Variants in FHIT observed in about 807,000 individuals in gnomAD.
FHIT encodes fragile histidine triad diadenosine triphosphatase.
A neutral mutation model predicts 17.9 loss-of-function variants in FHIT; 19 were observed. The ratio of observed to expected loss-of-function variants is 1.06; its 90% CI spans 0.74 to 1.56. FHIT has a LOEUF of 1.56. Among genes scored for constraint, FHIT ranks in the 40% most tolerant of loss-of-function variants. The probability of loss-of-function intolerance (pLI) is 0.00; values close to 1 mark genes in which losing one functional copy is unlikely to be tolerated. For synonymous variants in FHIT, 81 were observed against 69.7 expected, an observed-to-expected ratio of 1.16 and a Z score of -0.81; for missense variants, 248 against 189.2, an observed-to-expected ratio of 1.31 and a Z score of -1.82.
chr3:60,648,136 GGA>G (rs2039904931), intron 4 of FHIT, among the ~76,000 whole-genome samples: 1 of 152,138 alleles, frequency 6.6e-6, no homozygotes, highest in Admixed American at 6.5e-5. Context: ...GGGGAGTCAG[GGA>G]GTGGGTAGAG....
intron 3 of FHIT, among the ~76,000 whole-genome samples, chr3:60,832,877 T>G (rs1473321926): frequency 6.6e-6 from 1 of 152,198 alleles, no homozygotes; most frequent in Non-Finnish European, 1.5e-5. Flanking sequence ...CATTCAAAAT[T>G]CAGAGTGTAC....
rs980735036 is a variant in FHIT, at chr3:60,938,640, T to C, written c.-111+103407A>G. 2.6e-5 allele frequency among the ~76,000 whole-genome samples: 4 copies of C among 152,288 alleles called. No individual in the cohort carries two copies. In the East Asian group the frequency reaches 7.7e-4, roughly 29 times the overall value. ...AGAGGAGTTCATCTGATGAACTGAATGTTAAACAGCGTCAGGGGAGATGGA... is the reference window on the plus strand; with the variant it reads ...AGAGGAGTTCATCTGATGAACTGAACGTTAAACAGCGTCAGGGGAGATGGA... On this transcript the variant is annotated intron_variant, in intron 3 of 9. Coordinates refer to ENST00000492590, the MANE Select transcript of FHIT (RefSeq NM_002012.4).
intron 2 of FHIT, among the ~76,000 whole-genome samples, chr3:61,112,254 C>T (rs1211225564): frequency 1.3e-5 from 2 of 149,050 alleles, no homozygotes; most frequent in Non-Finnish European, 2.9e-5. Context: ...TCTATCACCA[C>T]TGCCTTAATT....
chr3:60,075,302 T>G (rs992296915), intron 5 of FHIT, among the ~76,000 whole-genome samples: 3 of 152,008 alleles, frequency 2.0e-5, no homozygotes, highest in Non-Finnish European at 2.9e-5. Context: ...ACAAAGTGAA[T>G]AGCTGTGACA....
chr3:60,387,335 C>A (rs949976219), intron 5 of FHIT, among the ~76,000 whole-genome samples: 2 of 152,054 alleles, frequency 1.3e-5, no homozygotes, highest in African/African-American at 4.8e-5. Flanking sequence ...ATTCTCCCTG[C>A]AGGCAGGGAC....
At chr3:61,227,184 A>G (rs1054766222) in intron 1 of FHIT, among the ~76,000 whole-genome samples, 1 of 152,222 alleles carries the variant, frequency 6.6e-6, no homozygotes, top group Non-Finnish European at 1.5e-5. Flanking sequence ...GAAACCATTA[A>G]GACAAAGGCC....
intron 5 of FHIT, among the ~76,000 whole-genome samples, chr3:60,522,339 G>A (rs1268150383): frequency 6.6e-6 from 1 of 152,094 alleles, no homozygotes; most frequent in Non-Finnish European, 1.5e-5. Context: ...TCGAACTCCT[G>A]ACCTCAAGTG....
At chr3:61,122,281 T>A (rs1340376756) in intron 2 of FHIT, among the ~76,000 whole-genome samples, 1 of 152,058 alleles carries the variant, frequency 6.6e-6, no homozygotes, top group Non-Finnish European at 1.5e-5. Flanking sequence ...ATAAATGGTG[T>A]TGGAAAAACT....
chr3:59,787,140 A>T (rs1699340159), intron 8 of FHIT, among the ~76,000 whole-genome samples: 1 of 152,174 alleles, frequency 6.6e-6, no homozygotes. Context: ...CATAAATATT[A>T]TCCTCCTCAT....
At chr3:60,467,001 C>T (rs2032833189) in intron 5 of FHIT, among the ~76,000 whole-genome samples, 1 of 151,872 alleles carries the variant, frequency 6.6e-6, no homozygotes, top group Non-Finnish European at 1.5e-5. Context: ...GCCATCAAAT[C>T]TAGCGCTTTT....
At chr3:60,498,386 A>G (rs574373591) in intron 5 of FHIT, among the ~76,000 whole-genome samples, 6 of 152,238 alleles carry the variant, frequency 3.9e-5, no homozygotes, top group Non-Finnish European at 8.8e-5. Context: ...CTGATTTACT[A>G]AATTATTAAT....
At chr3:60,151,046 T>C (rs1700441958) in intron 5 of FHIT, among the ~76,000 whole-genome samples, 1 of 152,184 alleles carries the variant, frequency 6.6e-6, no homozygotes, top group Admixed American at 6.5e-5. Flanking sequence ...GTGTGAGTTA[T>C]AAAGTTGGAT....
intron 4 of FHIT, among the ~76,000 whole-genome samples, chr3:60,719,903 G>T (rs2041771343): frequency 2.0e-5 from 3 of 152,072 alleles, no homozygotes; most frequent in Admixed American, 2.0e-4. Flanking sequence ...CAGATCTCCT[G>T]CAATGGCCAC....
chr3:61,034,821 T>A (rs2033165408), intron 3 of FHIT, among the ~76,000 whole-genome samples: 1 of 152,136 alleles, frequency 6.6e-6, no homozygotes, highest in Non-Finnish European at 1.5e-5. Context: ...CTAAAACAGG[T>A]ACCTGTGCAT....
chr3:60,987,040 G>T (rs1015168915), intron 3 of FHIT, among the ~76,000 whole-genome samples: 5 of 152,150 alleles, frequency 3.3e-5, no homozygotes, highest in Non-Finnish European at 7.3e-5. Context: ...TATTACATTT[G>T]CAGTAAAATG....
In FHIT at chr3:60,713,505, G is replaced by C. The variant is rs1282290243; in HGVS notation, c.-18+108414C>G. ...AATCCAGGAGCTGGTTTTTTGAAAG[G>C]ATCAACAAAATTGATAGACCGCTAG... On this transcript the variant is annotated intron_variant, in intron 4 of 9. Coordinates refer to ENST00000492590, the MANE Select transcript of FHIT (RefSeq NM_002012.4). 7.4e-5 allele frequency among the ~76,000 whole-genome samples: 11 copies of C among 148,812 alleles called. No homozygotes were observed. The East Asian group carries it at 2.2e-3, about 29-fold the overall frequency.
chr3:61,054,166 C>A (rs2034131326), intron 2 of FHIT, among the ~76,000 whole-genome samples: 1 of 152,090 alleles, frequency 6.6e-6, no homozygotes, highest in African/African-American at 2.4e-5. Context: ...AGAACAATCC[C>A]AACAGGAAAA....
At chr3:60,433,720 T>C (rs143419695) in intron 5 of FHIT, among the ~76,000 whole-genome samples, 3,132 of 152,256 alleles carry the variant, frequency 0.021, 46 homozygotes, top group Middle Eastern at 0.037. Context: ...CATGTTTCTT[T>C]GGAGAAATTT....
chr3:60,113,344 C>T (rs1704766276), intron 5 of FHIT, among the ~76,000 whole-genome samples: 1 of 151,984 alleles, frequency 6.6e-6, no homozygotes, highest in Non-Finnish European at 1.5e-5. Context: ...ACTACAGAAA[C>T]CTTACCAATA....
Sources: allele counts gnomAD v4.1 joint callset (sites outside exome capture counted in the v4.1 genomes callset), GRCh38; gene constraint gnomAD v4.1.1; transcripts MANE v1.5; gene names NCBI Gene and HGNC (gene_info 2026-07-23, HGNC 2026-07-21).